The following PEF1 variants were observed in gnomAD, a reference collection of about 807,000 sequenced individuals.
The protein encoded by PEF1 is peflin.
Under a neutral mutation model 32.0 loss-of-function variants are expected in PEF1, and 17 were observed. The ratio of observed to expected loss-of-function variants is 0.53; its 90% confidence interval spans 0.36 to 0.80. The LOEUF (loss-of-function observed/expected upper bound fraction) is 0.80. Ranked by LOEUF, PEF1 falls within the 30% of genes least tolerant of loss-of-function variation. The pLI, the probability that PEF1 is intolerant of heterozygous loss-of-function variation, is 0.00. For missense variants in PEF1, 362 were observed against 369.1 expected, an observed-to-expected ratio of 0.98 and a Z score of 0.16; for synonymous variants, 130 against 139.8, an observed-to-expected ratio of 0.93 and a Z score of 0.50.
Position 31,632,496 on chromosome 1 carries a change from T to C in PEF1, c.624A>G (p.Gln208=), listed in dbSNP as rs757380139. The C allele has an allele frequency of 3.2e-4, 520 of 1,614,146 alleles. 2 individuals carry two copies. The highest frequency in any genetic ancestry group is 4.4e-4 in the South Asian group (40 of 91,092). ...TCGTGCCCCGGCCATGACCCGCACC[T>C]TGCTGCAGCTCTGTGTAGCTAATGG... ...SGSISYTELQ[Q]ALSQMGYNLS... is the part of the protein sequence containing the mutation. The change falls in exon 4 of 5, where the codon CAA becomes CAG. Residue 208 remains glutamine, a splice_region_variant and synonymous_variant. Coordinates refer to ENST00000373703, the MANE Select transcript of PEF1 (RefSeq NM_012392.4).
intron 1 of PEF1, among the ~76,000 whole-genome samples, chr1:31,642,860 G>A (rs191662060): frequency 1.4e-4 from 22 of 152,320 alleles, no homozygotes; most frequent in Admixed American, 7.2e-4. Context: ...CCTTTATACA[G>A]GTGAGGAAGC....
intron 1 of PEF1, among the ~76,000 whole-genome samples, chr1:31,636,087 G>A (rs1424058894): frequency 6.6e-6 from 1 of 152,154 alleles, no homozygotes; most frequent in South Asian, 2.1e-4. Context: ...ACAACTCTGT[G>A]AGGCAGGCAG....
intron 1 of PEF1, among the ~76,000 whole-genome samples, chr1:31,640,177 G>A (rs1236703621): frequency 6.6e-6 from 1 of 152,144 alleles, no homozygotes; most frequent in African/African-American, 2.4e-5. Context: ...GGGGGGACTG[G>A]GGGCAACAAA....
At position 31,635,976 on chromosome 1, in the gene PEF1, C is replaced by T. The variant is rs559152481; in HGVS notation, c.25-454G>A. 4.6e-5 allele frequency among the ~76,000 whole-genome samples: 7 copies of T among 152,318 alleles called. No individual in the cohort carries two copies. The South Asian group carries it at 1.0e-3, about 23-fold the overall frequency. On this transcript the variant is annotated intron_variant, in intron 1 of 4. Coordinates refer to ENST00000373703, the MANE Select transcript of PEF1 (RefSeq NM_012392.4). ...GGGCAAACGCAGTCTCTAACACACA[C>T]CCCTGACCCTCATCAGTCACAAATG...
intron 2 of PEF1, 40 bp downstream of exon 2, chr1:31,635,182 A>G (rs1176523155): frequency 6.2e-7 from 1 of 1,603,062 alleles, no homozygotes; most frequent in African/African-American, 1.3e-5. Flanking sequence ...ATAACTCAGA[A>G]CCACGTCAGA....
chr1:31,639,855 A>C (rs1260185273), intron 1 of PEF1, among the ~76,000 whole-genome samples: 1 of 152,238 alleles, frequency 6.6e-6, no homozygotes, highest in Non-Finnish European at 1.5e-5. Context: ...TGCAGGCTGC[A>C]CAGGAAGTTT....
chr1:31,641,018 T>C (rs1640378658), intron 1 of PEF1, among the ~76,000 whole-genome samples: 1 of 152,110 alleles, frequency 6.6e-6, no homozygotes, highest in South Asian at 2.1e-4. Context: ...CCACTTGAAA[T>C]AGGAGAGAAG....
intron 3 of PEF1, among the ~76,000 whole-genome samples, chr1:31,632,943 T>C (rs1213130504): frequency 6.6e-6 from 1 of 152,164 alleles, no homozygotes; most frequent in East Asian, 1.9e-4. Context: ...GGAAACTAAG[T>C]TAACCTGTAA....
chr1:31,633,511 C>A (rs1640173469), intron 2 of PEF1, among the ~76,000 whole-genome samples, 197 bp from the exon 3 acceptor site: 1 of 152,200 alleles, frequency 6.6e-6, no homozygotes, highest in Non-Finnish European at 1.5e-5. Context: ...GATTTCTATT[C>A]CATGAGTCCT....
At chr1:31,632,693 G>A (rs1640143566) in intron 3 of PEF1, 55 bp from the exon 4 acceptor site, 2 of 1,585,450 alleles carry the variant, frequency 1.3e-6, no homozygotes, top group South Asian at 1.1e-5. Flanking sequence ...AAGGCCAAGG[G>A]TCCCCCTCAG....
chr1:31,635,365 C>A lies in PEF1; in HGVS notation c.182G>T (p.Gly61Val). The change falls in exon 2 of 5, where the codon GGA (glycine) becomes GTA (valine). Residue 61 changes from glycine (G) to valine (V), a missense_variant. Physicochemically the swap from Gly to Val is moderately radical, Grantham distance 109. Transcript: ENST00000373703. ...PGGPYGPPAG[G>V]GPYGHPNPGM... ...AGGATTGGGGTGTCCATAGGGCCCT[C>A]CACCAGCTGGTGGTCCATAAGGCCC... 6.2e-7 allele frequency: 1 copy of A among 1,613,814 alleles called. No individual in the cohort carries two copies.
chr1:31,642,533 T>C (rs1640422549), intron 1 of PEF1, among the ~76,000 whole-genome samples: 1 of 152,182 alleles, frequency 6.6e-6, no homozygotes, highest in Non-Finnish European at 1.5e-5. Flanking sequence ...CAAAGCTATG[T>C]AGTGGGTGGA....
intron 1 of PEF1, among the ~76,000 whole-genome samples, chr1:31,642,211 C>A (rs59745051): frequency 2.6e-5 from 4 of 152,058 alleles, no homozygotes. Context: ...CCAGCCTGGG[C>A]GACAGAGCAA....
At chr1:31,637,010 G>A (rs1443881079) in intron 1 of PEF1, among the ~76,000 whole-genome samples, 1 of 152,316 alleles carries the variant, frequency 6.6e-6, no homozygotes, top group East Asian at 1.9e-4. Flanking sequence ...GCACCATCTA[G>A]ATACGTTCTA....
At chr1:31,634,220 T>C (rs1187758050) in intron 2 of PEF1, among the ~76,000 whole-genome samples, 2 of 152,136 alleles carry the variant, frequency 1.3e-5, no homozygotes, top group Non-Finnish European at 2.9e-5. Context: ...ATCGGTGTCA[T>C]AGGGGAGCAA....
At chr1:31,644,789 C>A (rs1640508103) in intron 1 of PEF1, 52 bp downstream of exon 1, 1 of 1,613,000 alleles carries the variant, frequency 6.2e-7, no homozygotes. Context: ...GGACGTCGGG[C>A]CTGCGCCTGG....
intron 2 of PEF1, 88 bp from the exon 3 acceptor site, chr1:31,633,402 C>A (rs982421517): frequency 2.2e-6 from 3 of 1,362,142 alleles, no homozygotes; most frequent in East Asian, 2.4e-5. Context: ...CTCCTACACA[C>A]GAAGCTTCAC....
At chr1:31,636,060 T>C (rs1640245159) in intron 1 of PEF1, among the ~76,000 whole-genome samples, 1 of 152,140 alleles carries the variant, frequency 6.6e-6, no homozygotes, top group Non-Finnish European at 1.5e-5. Context: ...TGTAAAAACA[T>C]TTCCCTATCC....
rs374031460 is a variant in PEF1 at position 31,635,234 on chromosome 1, G to A, written c.313C>T (p.Leu105Phe). Residue 105 changes from leucine to phenylalanine, a missense_variant, in exon 2 of 5, where the codon CTT becomes TTT. Coordinates refer to ENST00000373703, the MANE Select transcript of PEF1 (RefSeq NM_012392.4). The part of the protein sequence containing the change: ...PSSYGAQQPG[L>F]YGQGGAPPNV... Reference sequence around the variant, plus strand: ...GATTACTACTTACCCTGTCCATAAAGCCCAGGCTGCTGGGCACCGTAGGAA... The same window carrying A: ...GATTACTACTTACCCTGTCCATAAAACCCAGGCTGCTGGGCACCGTAGGAA... 4 of 1,613,968 alleles carry A rather than the reference G, an allele frequency of 2.5e-6. No individual in the cohort carries two copies. In the African/African-American group the frequency reaches 4.0e-5, roughly 16 times the overall value.
Sources: allele counts gnomAD v4.1 joint callset (sites outside exome capture counted in the v4.1 genomes callset), GRCh38; gene constraint gnomAD v4.1.1; transcripts MANE v1.5; gene names NCBI Gene and HGNC (gene_info 2026-07-23, HGNC 2026-07-21).